Variants in PGLYRP3 observed in about 807,000 individuals in gnomAD.
PGLYRP3 encodes the protein peptidoglycan recognition protein I alpha.
A neutral mutation model predicts 36.0 loss-of-function variants in PGLYRP3; 39 were observed. The observed-to-expected ratio is 1.08, with a 90% confidence interval of 0.84 to 1.41. PGLYRP3 has a LOEUF of 1.41. Ranked by LOEUF, PGLYRP3 falls within the 40% of genes most tolerant of loss-of-function variation. PGLYRP3 has a pLI of 0.00. For synonymous variants in PGLYRP3, 204 were observed against 172.8 expected, an observed-to-expected ratio of 1.18 and a Z score of -1.42; for missense variants, 407 against 427.9, an observed-to-expected ratio of 0.95 and a Z score of 0.43.
chr1:153,311,806 T>C (rs1049968130), intron 1 of PGLYRP3, among the ~76,000 whole-genome samples: 2 of 152,182 alleles, frequency 1.3e-5, no homozygotes, highest in Non-Finnish European at 2.9e-5. Context: ...AACCATGTCT[T>C]AAGAGTAGAA....
Position 153,304,890 on chromosome 1 carries a change from G to A in PGLYRP3, c.376+57C>T, listed in dbSNP as rs568784313. 4.8e-5 allele frequency: 63 copies of A among 1,309,012 alleles called. No individual in the cohort carries two copies. The South Asian group carries it at 7.3e-4, about 15-fold the overall frequency. 81.1% of individuals were successfully genotyped at this position (1,309,012 alleles called of 1,614,324 possible). On this transcript the variant is annotated intron_variant, in intron 4 of 7. Coordinates refer to ENST00000683862, the MANE Select transcript of PGLYRP3 (RefSeq NM_052891.3). ...AAGATGAGTGTTGACCCTTGGGAGT[G>A]GAGGAAGAGAGTGTACACAACTCTC...
intron 7 of PGLYRP3, among the ~76,000 whole-genome samples, chr1:153,298,603 G>A (rs549399259): frequency 2.1e-4 from 32 of 152,160 alleles, no homozygotes; most frequent in African/African-American, 7.5e-4. Flanking sequence ...ACATCACGCC[G>A]CTGCACTCCA....
Position 153,307,241 on chromosome 1 carries a change from C to G in PGLYRP3, c.82G>C (p.Glu28Gln), listed in dbSNP as rs747241529. The change falls in exon 3 of 8, where the codon GAG (glutamate) becomes CAG (glutamine). Residue 28 changes from glutamate to glutamine, a missense_variant. Physicochemically the swap from Glu to Gln is conservative, Grantham distance 29 (BLOSUM62 2). Coordinates refer to ENST00000683862, the MANE Select transcript of PGLYRP3 (RefSeq NM_052891.3). ...CAGGCGAGCGGTCTTGCCCCCCACT[C>G]CTTGCGGGAGACGATGGTGGGAGTA... ...WDTPTIVSRK[E>Q]WGARPLACRA... 4 of 1,607,900 alleles carry G rather than the reference C, an allele frequency of 2.5e-6. No individual in the cohort carries two copies. Among genetic ancestry groups the G allele is most frequent in the South Asian group, 1.1e-5 (1 of 89,762 alleles).
chr1:153,307,664 A>G (rs1042067299), intron 2 of PGLYRP3, among the ~76,000 whole-genome samples: 7 of 151,992 alleles, frequency 4.6e-5, no homozygotes, highest in Non-Finnish European at 8.8e-5. Flanking sequence ...CCTCACTGCC[A>G]TTTGCCCTGG....
intron 1 of PGLYRP3, among the ~76,000 whole-genome samples, chr1:153,312,013 A>C (rs961362561): frequency 6.6e-6 from 1 of 152,238 alleles, no homozygotes; most frequent in Non-Finnish European, 1.5e-5. Context: ...CCAAGATTGA[A>C]GGCCTGTTAG....
chr1:153,310,535 G>T, intron 2 of PGLYRP3, 76 bp downstream of exon 2: 1 of 1,470,048 alleles, frequency 6.8e-7, no homozygotes, highest in South Asian at 1.1e-5. Context: ...ACTCGGATGG[G>T]TTTCTATTAT....
intron 1 of PGLYRP3, among the ~76,000 whole-genome samples, chr1:153,312,108 A>G (rs1042521065): frequency 3.9e-5 from 6 of 152,222 alleles, no homozygotes; most frequent in African/African-American, 9.6e-5. Flanking sequence ...TTCCACAACC[A>G]TGAAACGTCA....
At position 153,307,327 on chromosome 1, in the gene PGLYRP3, C is replaced by T. The variant is rs559280712; in HGVS notation, c.56-60G>A. ...CCCTGCCCATCTTCCCCCAACAGGT[C>T]GACCATGTGCCCTGACCTCTCATGC... On this transcript the variant is annotated intron_variant, in intron 2 of 7. Transcript: ENST00000683862. The T allele has an allele frequency of 4.1e-5, 61 of 1,495,944 alleles. 1 individual carries two copies. The highest frequency in any genetic ancestry group is 1.2e-4 in the South Asian group (10 of 81,380). 92.7% of individuals were successfully genotyped at this position (1,495,944 alleles called of 1,614,324 possible). A position where few individuals can be genotyped will look rare whatever the true frequency, so the allele number is the denominator to read the frequency against.
intron 2 of PGLYRP3, among the ~76,000 whole-genome samples, chr1:153,308,849 CT>C (rs1659823210): frequency 6.6e-6 from 1 of 152,190 alleles, no homozygotes; most frequent in Non-Finnish European, 1.5e-5. Flanking sequence ...CTCCCCCAGC[CT>C]CCCTCCATTC....
chr1:153,309,246 T>C (rs1395291412), intron 2 of PGLYRP3, among the ~76,000 whole-genome samples: 1 of 152,104 alleles, frequency 6.6e-6, no homozygotes, highest in Non-Finnish European at 1.5e-5. Flanking sequence ...ACAAAGCACA[T>C]CCAAGGATGC....
chr1:153,303,919 T>G lies in PGLYRP3; in HGVS notation c.467A>C (p.Gln156Pro). Residue 156 changes from glutamine (Q) to proline (P), a missense_variant, in exon 5 of 8, where the codon CAG becomes CCG. Coordinates refer to ENST00000683862, the MANE Select transcript of PGLYRP3 (RefSeq NM_052891.3). ...QKGHLSPRYI[Q>P]PLLLKEETCL... Reference sequence around the variant, plus strand: ...GGTCTCTTCTTTCAGAAGAAGTGGCTGAATATACCTGGGCGACAGGTGACC... The same window carrying G: ...GGTCTCTTCTTTCAGAAGAAGTGGCGGAATATACCTGGGCGACAGGTGACC... 5 of 1,614,054 alleles carry G rather than the reference T, an allele frequency of 3.1e-6. No homozygotes were observed. The highest frequency in any genetic ancestry group is 4.2e-6 in the Non-Finnish European group (5 of 1,179,980).
chr1:153,300,287 A>T (rs373456694), intron 6 of PGLYRP3, among the ~76,000 whole-genome samples: 1 of 152,094 alleles, frequency 6.6e-6, no homozygotes, highest in Non-Finnish European at 1.5e-5. Flanking sequence ...CCATGTCCCA[A>T]TGAGGATACT....
At chr1:153,310,512 A>G in intron 2 of PGLYRP3, 99 bp downstream of exon 2, 1 of 1,289,938 alleles carries the variant, frequency 7.8e-7, no homozygotes, top group Non-Finnish European at 1.1e-6. Flanking sequence ...CTATCCACTA[A>G]CAAAGTGAAA....
Position 153,297,632 on chromosome 1 carries a change from G to C in PGLYRP3, c.*324C>G, listed in dbSNP as rs1039175878. ...AAAGGAAGCAAAGAAAGAAAGAAGA[G>C]GAGACAGGGGTTGGGGGGAGAGAGA... On this transcript the variant is annotated 3_prime_UTR_variant, in exon 8 of 8. Coordinates refer to ENST00000683862, the MANE Select transcript of PGLYRP3 (RefSeq NM_052891.3). Among the ~76,000 whole-genome samples the C allele has an allele frequency of 6.6e-6, 1 of 151,222 alleles. No homozygotes were observed. Among genetic ancestry groups the C allele is most frequent in the African/African-American group, 2.5e-5 (1 of 40,696 alleles).
At chr1:153,302,272 GC>G in intron 6 of PGLYRP3, 136 bp downstream of exon 6, 1 of 900,118 alleles carries the variant, frequency 1.1e-6, no homozygotes, top group Non-Finnish European at 1.7e-6. Context: ...GCCCAATCTT[GC>G]AAAAATAAAA....
Position 153,305,042 on chromosome 1 carries a change from C to T in PGLYRP3, c.281G>A (p.Arg94Lys). 1 of 1,612,882 alleles carries T rather than the reference C, an allele frequency of 6.2e-7. No homozygotes were observed. The highest frequency in any genetic ancestry group is 8.5e-7 in the Non-Finnish European group (1 of 1,179,532). Residue 94 changes from arginine (R) to lysine (K), a missense_variant, in exon 4 of 8, where the codon AGG (arginine) becomes AAG (lysine). By Grantham distance (26) the Arg-to-Lys change is conservative. Coordinates refer to ENST00000683862, the MANE Select transcript of PGLYRP3 (RefSeq NM_052891.3). ...AYNFLVGDDGRVYEGVGWNIQ... is the reference protein window; with the variant it reads ...AYNFLVGDDGKVYEGVGWNIQ... ...GTTCCAGCCAACACCTTCATACACC[C>T]TGCCATCATCCCCAACCAGGAAGCT...
At position 153,297,207 on chromosome 1, in the gene PGLYRP3, G is replaced by T. The variant is rs1035715468; in HGVS notation, c.*749C>A. On this transcript the variant is annotated 3_prime_UTR_variant, in exon 8 of 8. Transcript: ENST00000683862. Reference sequence around the variant, plus strand: ...CTGCTGAGGAACTGAGGATAGAGATGAATAAAATAGAATTCCTCCCTTGGA... The same window carrying T: ...CTGCTGAGGAACTGAGGATAGAGATTAATAAAATAGAATTCCTCCCTTGGA... Among the ~76,000 whole-genome samples, 5 of 152,138 alleles carry T rather than the reference G, an allele frequency of 3.3e-5. No individual in the cohort carries two copies. The highest frequency in any genetic ancestry group is 6.5e-5 in the Admixed American group (1 of 15,274).
At chr1:153,303,826 G>A (rs181381230) in intron 5 of PGLYRP3, 31 bp downstream of exon 5, 9 of 1,588,370 alleles carry the variant, frequency 5.7e-6, no homozygotes, top group Admixed American at 3.4e-5. Flanking sequence ...TGGTGACGAG[G>A]AGGAGGGTGA....
chr1:153,307,006 A>C (rs1385138105), intron 3 of PGLYRP3, 60 bp downstream of exon 3: 3 of 1,512,558 alleles, frequency 2.0e-6, no homozygotes, highest in Non-Finnish European at 2.7e-6. Flanking sequence ...AGAGAAGGGG[A>C]AGTGGGAAGC....
Sources: gnomAD v4.1 joint callset for allele counts (sites outside exome capture counted in the v4.1 genomes callset) on GRCh38, gnomAD v4.1.1 for gene constraint, MANE v1.5 for transcripts, NCBI Gene and HGNC (gene_info 2026-07-23, HGNC 2026-07-21) for gene names.